Variants in IFIT1 observed in about 807,000 individuals in gnomAD.
IFIT1 encodes interferon induced protein with tetratricopeptide repeats 1, also known as antiviral innate immune response effector IFIT1.
In IFIT1, 1 loss-of-function variant was observed where a neutral mutation model predicts 2.5. That is an observed-to-expected ratio of 0.40 (90% CI 0.14 to 1.92). IFIT1 has a LOEUF of 1.92. Among genes scored for constraint, IFIT1 ranks in the 40% most tolerant of loss-of-function variants. The pLI, the probability that IFIT1 is intolerant of heterozygous loss-of-function variation, is 0.31. For missense variants in IFIT1, 508 were observed against 557.8 expected (o/e 0.91, Z 0.90); for synonymous variants, 191 against 201.7 (o/e 0.95, Z 0.45).
Position 89,403,792 on chromosome 10 carries a change from T to G in IFIT1, c.*80T>G. 1 of 764,016 alleles carries G rather than the reference T, an allele frequency of 1.3e-6. No homozygotes were observed. The highest frequency in any genetic ancestry group is 2.1e-6 in the Non-Finnish European group (1 of 471,462). The allele number at this position is 764,016 out of a possible 1,614,324, so 47.3% of individuals were successfully genotyped here. ...TAATCATCTTTTCTGCTTACTGTTT[T>G]CAGAAACATTATAATTCACTGTAAT... On this transcript the variant is annotated 3_prime_UTR_variant, in exon 2 of 2. Coordinates refer to ENST00000371804, the MANE Select transcript of IFIT1 (RefSeq NM_001548.5).
At position 89,403,845 on chromosome 10, in the gene IFIT1, C is replaced by T. The variant is rs2133635186; in HGVS notation, c.*133C>T. 2 of 606,728 alleles carry T rather than the reference C, an allele frequency of 3.3e-6. No homozygotes were observed. Among genetic ancestry groups the T allele is most frequent in the South Asian group, 4.7e-5 (2 of 42,832 alleles). 37.6% of individuals were successfully genotyped at this position (606,728 alleles called of 1,614,324 possible). The stretch of plus-strand genomic sequence containing the variant: ...TGTAATTCTTGAATAATAAATCTGA[C>T]AAAATATTAGTTGTGTTCAACAATT... On this transcript the variant is annotated 3_prime_UTR_variant, in exon 2 of 2. Transcript: ENST00000371804.
chr10:89,394,604 AT>A (rs1844311353), intron 1 of IFIT1, among the ~76,000 whole-genome samples: 2 of 48,140 alleles, frequency 4.2e-5, no homozygotes, highest in Non-Finnish European at 6.3e-5. Flanking sequence ...ATATATATAT[AT>A]ATATATATAT....
rs1000120552 is a variant in IFIT1, at chr10:89,405,637, T to C, written c.*1925T>C. 2.0e-5 allele frequency: 3 copies of C among 152,234 alleles called. No homozygotes were observed. Among genetic ancestry groups the C allele is most frequent in the Non-Finnish European group, 4.4e-5 (3 of 68,048 alleles). The allele number at this position is 152,234 out of a possible 1,614,324, so 9.4% of individuals were successfully genotyped here. On this transcript the variant is annotated 3_prime_UTR_variant, in exon 2 of 2. Transcript: ENST00000371804. Reference sequence around the variant, plus strand: ...ATAGCCTTTTCCAGCTTCCAGAGGCTGCCTGAATTCTTTCATCCATCTTAA... The same window carrying C: ...ATAGCCTTTTCCAGCTTCCAGAGGCCGCCTGAATTCTTTCATCCATCTTAA...
Position 89,404,967 on chromosome 10 carries a change from A to T in IFIT1, c.*1255A>T, listed in dbSNP as rs1186429946. On this transcript the variant is annotated 3_prime_UTR_variant, in exon 2 of 2. Coordinates refer to ENST00000371804, the MANE Select transcript of IFIT1 (RefSeq NM_001548.5). ...AGAACGAGACCCCATCTCAAAAAAA[A>T]AAAAAGTTCTCTCCAATTGTATATA... 1 of 152,174 alleles carries T rather than the reference A, an allele frequency of 6.6e-6. No individual in the cohort carries two copies. The highest frequency in any genetic ancestry group is 1.5e-5 in the Non-Finnish European group (1 of 68,044). The allele number at this position is 152,174 out of a possible 1,614,324, so 9.4% of individuals were successfully genotyped here.
chr10:89,403,301 T>C lies in IFIT1; in HGVS notation c.1026T>C (p.Ala342=), dbSNP rs554264308. ...AVEKKPTFEV[A]HLDLARMYIE... ...AAAAAAAGCCCACATTTGAGGTGGCTCATCTAGACCTGGCAAGAATGTATA... is the reference window on the plus strand; with the variant it reads ...AAAAAAAGCCCACATTTGAGGTGGCCCATCTAGACCTGGCAAGAATGTATA... The change falls in exon 2 of 2, where the codon GCT becomes GCC. Residue 342 remains alanine (A), a synonymous_variant. Coordinates refer to ENST00000371804, the MANE Select transcript of IFIT1 (RefSeq NM_001548.5). The C allele has an allele frequency of 5.6e-6, 9 of 1,613,992 alleles. No homozygotes were observed. Among genetic ancestry groups the C allele is most frequent in the Non-Finnish European group, 7.6e-6 (9 of 1,180,032 alleles).
In IFIT1 at chr10:89,402,329, A is replaced by G; in HGVS notation, c.54A>G (p.Arg18=). 6.2e-7 allele frequency: 1 copy of G among 1,614,094 alleles called. No individual in the cohort carries two copies. The highest frequency in any genetic ancestry group is 8.5e-7 in the Non-Finnish European group (1 of 1,179,946). ...TCAAGGATAGTCTGGAGCAATTGAG[A>G]TGTCACTTTACATGGGAGTTATCCA... is the stretch of plus-strand genomic sequence containing the variant. ...HQVKDSLEQL[R]CHFTWELSID... is the part of the protein sequence containing the mutation. Residue 18 remains arginine, a synonymous_variant, in exon 2 of 2, where the codon AGA becomes AGG. Coordinates refer to ENST00000371804, the MANE Select transcript of IFIT1 (RefSeq NM_001548.5).
chr10:89,398,357 T>C (rs571782981), intron 1 of IFIT1, among the ~76,000 whole-genome samples: 1 of 152,342 alleles, frequency 6.6e-6, no homozygotes, highest in South Asian at 2.1e-4. Context: ...GTTAATTCCC[T>C]ACAGGTTGTG....
Position 89,403,322 on chromosome 10 carries a change from G to A in IFIT1, c.1047G>A (p.Met349Ile), listed in dbSNP as rs1482429205. The A allele has an allele frequency of 6.2e-7, 1 of 1,613,358 alleles. No individual in the cohort carries two copies. The highest frequency in any genetic ancestry group is 8.5e-7 in the Non-Finnish European group (1 of 1,179,858). The stretch of plus-strand genomic sequence containing the variant: ...TGGCTCATCTAGACCTGGCAAGAAT[G>A]TATATAGAAGCAGGCAATCACAGAA... ...FEVAHLDLAR[M>I]YIEAGNHRKA... Residue 349 changes from methionine to isoleucine, a missense_variant, in exon 2 of 2, where the codon ATG (methionine) becomes ATA (isoleucine). Transcript: ENST00000371804.
At chr10:89,395,618 T>A (rs7924077) in intron 1 of IFIT1, among the ~76,000 whole-genome samples, 5,165 of 152,282 alleles carry the variant, frequency 0.034, 301 homozygotes, top group African/African-American at 0.12. Context: ...CAAGGGCATC[T>A]GCCTGATATA....
intron 1 of IFIT1, among the ~76,000 whole-genome samples, chr10:89,400,804 T>C (rs1844410382): frequency 6.6e-6 from 1 of 152,222 alleles, no homozygotes. Context: ...CCATGTTGAA[T>C]AGAAGTGGTG....
chr10:89,399,146 ATGTTTATTGGCCAT>A (rs1007095876), intron 1 of IFIT1, among the ~76,000 whole-genome samples: 5 of 152,034 alleles, frequency 3.3e-5, no homozygotes, highest in South Asian at 4.1e-4. Flanking sequence ...ATCTTTGCAT[ATGTTTATTGGCCAT>A]TTGTATATTT....
Position 89,392,638 on chromosome 10 carries a change from A to G in IFIT1, c.-75A>G, listed in dbSNP as rs927678061. 18 of 1,550,180 alleles carry G rather than the reference A, an allele frequency of 1.2e-5. No individual in the cohort carries two copies. The African/African-American group carries it at 1.5e-4, about 13-fold the overall frequency. On this transcript the variant is annotated 5_prime_UTR_variant, in exon 1 of 2. Coordinates refer to ENST00000371804, the MANE Select transcript of IFIT1 (RefSeq NM_001548.5). ...GTTTAAACGTAACTGAAAATCCACAAGACAGAATAGCCAGATCTCAGAGGA... is the reference window on the plus strand; with the variant it reads ...GTTTAAACGTAACTGAAAATCCACAGGACAGAATAGCCAGATCTCAGAGGA...
At chr10:89,396,556 G>A (rs746065131) in intron 1 of IFIT1, among the ~76,000 whole-genome samples, 1 of 152,130 alleles carries the variant, frequency 6.6e-6, no homozygotes, top group Admixed American at 6.5e-5. Flanking sequence ...ACAAGAATGA[G>A]AATTCACTCA....
intron 1 of IFIT1, among the ~76,000 whole-genome samples, chr10:89,397,001 T>C (rs2133620153): frequency 6.6e-6 from 1 of 152,348 alleles, no homozygotes; most frequent in South Asian, 2.1e-4. Context: ...TACATACAAA[T>C]ATATAAGGAT....
chr10:89,400,663 A>G (rs1443424581), intron 1 of IFIT1, among the ~76,000 whole-genome samples: 1 of 152,220 alleles, frequency 6.6e-6, no homozygotes, highest in Non-Finnish European at 1.5e-5. Flanking sequence ...GTTAATGTGT[A>G]GAATCCTTAG....
chr10:89,401,276 C>A (rs1387704457), intron 1 of IFIT1, among the ~76,000 whole-genome samples: 2 of 151,996 alleles, frequency 1.3e-5, no homozygotes, highest in African/African-American at 2.4e-5. Flanking sequence ...ACCACCATGC[C>A]CACCTAATTT....
intron 1 of IFIT1, among the ~76,000 whole-genome samples, chr10:89,401,982 A>T (rs1357705352): frequency 6.6e-6 from 1 of 152,216 alleles, no homozygotes; most frequent in Admixed American, 6.5e-5. Flanking sequence ...TGCTTGACAC[A>T]TATAAGTTTA....
intron 1 of IFIT1, among the ~76,000 whole-genome samples, chr10:89,400,275 A>T (rs1844403516): frequency 6.6e-6 from 1 of 152,200 alleles, no homozygotes; most frequent in East Asian, 1.9e-4. Flanking sequence ...TTGACATTTC[A>T]TATGAATTTT....
intron 1 of IFIT1, among the ~76,000 whole-genome samples, chr10:89,398,243 G>C (rs1319645212): frequency 1.3e-5 from 2 of 152,236 alleles, no homozygotes; most frequent in African/African-American, 4.8e-5. Context: ...GTACAAGGGA[G>C]TGTGGGGGAA....
Sources: gnomAD v4.1 joint callset for allele counts (sites outside exome capture counted in the v4.1 genomes callset) on GRCh38, gnomAD v4.1.1 for gene constraint, MANE v1.5 for transcripts, NCBI Gene and HGNC (gene_info 2026-07-23, HGNC 2026-07-21) for gene names.